Variants in ZMAT1 observed in about 807,000 individuals in gnomAD.
The protein encoded by ZMAT1 is zinc finger matrin-type protein 1.
ZMAT1 carries 11 observed loss-of-function variants against 18.5 expected under a neutral mutation model. The ratio of observed to expected loss-of-function variants is 0.59; its 90% CI spans 0.37 to 0.98. The LOEUF is 0.98. Ranked by LOEUF, ZMAT1 falls within the 50% of genes least tolerant of loss-of-function variation. ZMAT1 has a pLI of 0.01. For synonymous variants in ZMAT1, 211 were observed against 176.4 expected (o/e 1.20, Z -1.55); for missense variants, 525 against 496.2 (o/e 1.06, Z -0.55).
In ZMAT1 at chrX:101,896,332, C is replaced by T. The variant is rs187464562; in HGVS notation, c.676+1536G>A. On this transcript the variant is annotated intron_variant, in intron 4 of 5. Transcript: ENST00000651725. ...TAAGACTATAAAACTATACATGTTCCTACAATTCCAGTATTTCATAGCTCT... is the reference window on the plus strand; with the variant it reads ...TAAGACTATAAAACTATACATGTTCTTACAATTCCAGTATTTCATAGCTCT... 6.8e-4 allele frequency among the ~76,000 whole-genome samples: 76 copies of T among 111,685 alleles called. 2 individuals are homozygous for T. The highest frequency in any genetic ancestry group is 2.4e-3 in the African/African-American group (75 of 30,822).
At chrX:101,898,307 T>C in intron 2 of ZMAT1, 87 bp from the exon 3 acceptor site, 1 of 779,845 alleles carries the variant, frequency 1.3e-6, no homozygotes, top group Non-Finnish European at 1.9e-6. Flanking sequence ...ATGGCATTCA[T>C]GTGTGTTAAT....
At chrX:101,892,665 T>C in intron 4 of ZMAT1, 1 of 692,046 alleles carries the variant, frequency 1.4e-6, no homozygotes, top group Non-Finnish European at 1.7e-6. Context: ...ATTAGTAAGA[T>C]AAACAAAACA....
chrX:101,931,610 G>A lies in ZMAT1; in HGVS notation c.292+107C>T, dbSNP rs1348879440. The A allele has an allele frequency of 2.5e-4, 150 of 598,331 alleles. 2 individuals are homozygous for A. Among genetic ancestry groups the A allele is most frequent in the Non-Finnish European group, 2.6e-4 (140 of 544,900 alleles). 49.3% of individuals were successfully genotyped at this position (598,331 alleles called of 1,213,427 possible). The stretch of plus-strand genomic sequence containing the variant: ...GCTTGGCCTTTACTGCGCCACGGCA[G>A]GTGGGGGTGGGGCAGTGGCGAACCG... On this transcript the variant is annotated intron_variant, in intron 1 of 5. Transcript: ENST00000651725.
chrX:101,910,813 T>C (rs1233602985), intron 1 of ZMAT1, among the ~76,000 whole-genome samples: 1 of 110,982 alleles, frequency 9.0e-6, no homozygotes, highest in Non-Finnish European at 1.9e-5. Context: ...AATCTATGAG[T>C]TGTTGGCCTG....
chrX:101,911,813 A>C, intron 1 of ZMAT1: 1 of 1,207,083 alleles, frequency 8.3e-7, no homozygotes. Context: ...GAGGATTCAC[A>C]CCAAGGAAAA....
chrX:101,890,851 A>G (rs754873588), intron 4 of ZMAT1, among the ~76,000 whole-genome samples: 1 of 111,555 alleles, frequency 9.0e-6, no homozygotes, highest in Non-Finnish European at 1.9e-5. Context: ...AAAAAAGCAT[A>G]GACGTGCTTA....
chrX:101,898,058 T>C lies in ZMAT1; in HGVS notation c.502-16A>G. On this transcript the variant is annotated splice_polypyrimidine_tract_variant and intron_variant, in intron 3 of 5. Transcript: ENST00000651725. ...ACCTATGCACCTGAAATAGGCACAA[T>C]CTTGTTAGAAAGATTCAATAACTCA... The C allele has an allele frequency of 8.3e-7, 1 of 1,210,041 alleles. No homozygotes were observed. The highest frequency in any genetic ancestry group is 1.7e-5 in the African/African-American group (1 of 57,716).
intron 1 of ZMAT1, among the ~76,000 whole-genome samples, chrX:101,927,224 G>A (rs756356645): frequency 5.3e-5 from 6 of 112,379 alleles, no homozygotes; most frequent in Non-Finnish European, 1.1e-4. Flanking sequence ...GCAGAGCACA[G>A]CACTAAGTTA....
intron 4 of ZMAT1, chrX:101,894,718 C>T: frequency 2.7e-6 from 2 of 747,356 alleles, no homozygotes; most frequent in Non-Finnish European, 3.2e-6. Context: ...AGAGAAGAAC[C>T]AGAGCATAAA....
intron 2 of ZMAT1, 143 bp downstream of exon 2, chrX:101,904,081 C>T (rs913571810): frequency 2.7e-5 from 11 of 413,596 alleles, no homozygotes; most frequent in Middle Eastern, 5.5e-4. Flanking sequence ...CCTTTCTGAG[C>T]CAATCTCCTC....
intron 1 of ZMAT1, among the ~76,000 whole-genome samples, chrX:101,910,410 C>T (rs1928884318): frequency 8.9e-6 from 1 of 112,280 alleles, no homozygotes; most frequent in African/African-American, 3.2e-5. Flanking sequence ...AAAAACATGA[C>T]CTCACCAAAT....
At position 101,884,653 on chromosome X, in the gene ZMAT1, C is replaced by T; in HGVS notation, c.945G>A (p.Val315=). The T allele has an allele frequency of 8.3e-7, 1 of 1,210,715 alleles. No individual in the cohort carries two copies. The change falls in exon 6 of 6, where the codon GTG becomes GTA. Residue 315 remains valine, a synonymous_variant. Coordinates refer to ENST00000651725, the MANE Select transcript of ZMAT1 (RefSeq NM_001394560.1). ...TTCTATGTCTGGGTCTGGAATCGAC[C>T]ACTTCTCTGTATCTACGGGTTTCCA... The part of the protein sequence containing the change: ...SSLETRRYRE[V]VDSRPRHRMF...
chrX:101,887,958 A>G (rs762369682), intron 4 of ZMAT1: 12 of 111,698 alleles, frequency 1.1e-4, no homozygotes, highest in Admixed American at 1.9e-4. Flanking sequence ...CCATAAATCA[A>G]TACCAGAATG....
intron 1 of ZMAT1, 47 bp from the exon 2 acceptor site, chrX:101,904,377 T>C (rs1928455499): frequency 1.0e-6 from 1 of 954,796 alleles, no homozygotes; most frequent in Non-Finnish European, 1.5e-6. Context: ...AATAAATATT[T>C]AGAGGTATCA....
At chrX:101,911,526 A>G (rs1928961346) in intron 1 of ZMAT1, 6 of 1,025,412 alleles carry the variant, frequency 5.9e-6, no homozygotes, top group Non-Finnish European at 4.0e-6. Context: ...AAAAGTTAAA[A>G]AGTCACCTCA....
chrX:101,909,903 T>C (rs1043420844), intron 1 of ZMAT1, among the ~76,000 whole-genome samples: 1 of 112,239 alleles, frequency 8.9e-6, no homozygotes, highest in Non-Finnish European at 1.9e-5. Context: ...TTGTGGATTG[T>C]AGAGCCCCAG....
intron 4 of ZMAT1, among the ~76,000 whole-genome samples, chrX:101,891,936 T>C (rs745800514): frequency 2.7e-4 from 30 of 109,902 alleles, no homozygotes; most frequent in African/African-American, 9.6e-4. Flanking sequence ...AAGGGGAGAA[T>C]GTAGGAGTTA....
At position 101,897,919 on chromosome X, in the gene ZMAT1, A is replaced by G; in HGVS notation, c.625T>C (p.Leu209=). 1 of 1,211,435 alleles carries G rather than the reference A, an allele frequency of 8.3e-7. No homozygotes were observed. The highest frequency in any genetic ancestry group is 1.1e-6 in the Non-Finnish European group (1 of 895,344). ...GATGCCTGATCATGTTCCTCCATTA[A>G]TTGCTTCAGTTTTTTAGCATGGACC... ...GKVHAKKLKQ[L]MEEHDQASPS... is the part of the protein sequence containing the mutation. Residue 209 remains leucine (L), a synonymous_variant, in exon 4 of 6, where the codon TTA becomes CTA. Transcript: ENST00000651725.
In ZMAT1 at chrX:101,898,234, T is replaced by C. The variant is rs373508177; in HGVS notation, c.400-14A>G. On this transcript the variant is annotated splice_polypyrimidine_tract_variant and intron_variant, in intron 2 of 5. Coordinates refer to ENST00000651725, the MANE Select transcript of ZMAT1 (RefSeq NM_001394560.1). ...ATGTTTTTCACCCTGAAAAAAGATA[T>C]AATATGACTTTGTTTATTCAATAAA... The C allele has an allele frequency of 2.3e-5, 27 of 1,174,221 alleles. No individual in the cohort carries two copies. Among genetic ancestry groups the C allele is most frequent in the Admixed American group, 4.5e-5 (2 of 44,871 alleles).
Sources: gnomAD v4.1 joint callset for allele counts (sites outside exome capture counted in the v4.1 genomes callset) on GRCh38, gnomAD v4.1.1 for gene constraint, MANE v1.5 for transcripts, NCBI Gene and HGNC (gene_info 2026-07-23, HGNC 2026-07-21) for gene names.